The following CARMIL1 variants were observed in gnomAD, a reference collection of about 807,000 sequenced individuals.
The protein encoded by CARMIL1 is F-actin-uncapping protein LRRC16A.
CARMIL1 carries 90 observed loss-of-function variants against 177.1 expected under a neutral mutation model. The observed-to-expected ratio is 0.51, with a 90% CI of 0.43 to 0.61. The LOEUF (loss-of-function observed/expected upper bound fraction) is 0.61. Among genes scored for constraint, CARMIL1 ranks in the 20% least tolerant of loss-of-function variants. The pLI is 0.00. For missense variants in CARMIL1, 1,380 were observed against 1,667.0 expected (o/e 0.83, Z 3.00); for synonymous variants, 577 against 606.2 (o/e 0.95, Z 0.71).
At chr6:25,288,332 TG>T (rs1781680872) in intron 2 of CARMIL1, among the ~76,000 whole-genome samples, 1 of 152,082 alleles carries the variant, frequency 6.6e-6, no homozygotes, top group Admixed American at 6.6e-5. Flanking sequence ...TCCTTGCAGT[TG>T]GGATGTCAGG....
At chr6:25,423,666 T>C (rs1211066592) in intron 3 of CARMIL1, among the ~76,000 whole-genome samples, 2 of 152,130 alleles carry the variant, frequency 1.3e-5, no homozygotes, top group Non-Finnish European at 2.9e-5. Flanking sequence ...TCCTTATCAC[T>C]TTGAGATCTG....
intron 11 of CARMIL1, among the ~76,000 whole-genome samples, chr6:25,478,041 T>C (rs1259547991): frequency 6.6e-6 from 1 of 151,930 alleles, no homozygotes; most frequent in African/African-American, 2.4e-5. Context: ...TTTTTTTTTG[T>C]AGTGATGTGG....
At chr6:25,466,213 A>G (rs973997668) in intron 9 of CARMIL1, among the ~76,000 whole-genome samples, 5 of 152,212 alleles carry the variant, frequency 3.3e-5, no homozygotes, top group African/African-American at 1.2e-4. Flanking sequence ...AGCCTTTAGT[A>G]TAAAGTCATT....
chr6:25,390,712 G>A (rs948597343), intron 2 of CARMIL1, among the ~76,000 whole-genome samples: 3 of 151,702 alleles, frequency 2.0e-5, no homozygotes, highest in Non-Finnish European at 1.5e-5. Context: ...TTTTTTTTGC[G>A]ACAGTCTCGC....
At chr6:25,431,880 G>A (rs1442634626) in intron 4 of CARMIL1, among the ~76,000 whole-genome samples, 1 of 152,126 alleles carries the variant, frequency 6.6e-6, no homozygotes, top group East Asian at 1.9e-4. Context: ...CCCACAGTAT[G>A]GACCTTTGAG....
At chr6:25,559,349 A>G (rs1285551243) in intron 29 of CARMIL1, among the ~76,000 whole-genome samples, 3 of 152,224 alleles carry the variant, frequency 2.0e-5, no homozygotes, top group African/African-American at 7.2e-5. Context: ...TTTGCAGTCC[A>G]TATTTCAAAG....
At position 25,580,964 on chromosome 6, in the gene CARMIL1, T is replaced by A. The variant is rs1390823800; in HGVS notation, c.2783T>A (p.Met928Lys). ...KSKRKSIHSR[M>K]LRPVSRAFEM... ...AAAAGGAAGAGTATCCATAGCCGAA[T>A]GCTGCGGCCTGTTTCTAGGGCTTTT... The change falls in exon 30 of 37, where the codon ATG becomes AAG. Residue 928 changes from methionine (M) to lysine (K), a missense_variant. Coordinates refer to ENST00000329474, the MANE Select transcript of CARMIL1 (RefSeq NM_017640.6). 2 of 1,601,632 alleles carry A rather than the reference T, an allele frequency of 1.2e-6. No homozygotes were observed. The highest frequency in any genetic ancestry group is 3.4e-5 in the Admixed American group (2 of 58,468).
At chr6:25,316,458 C>T (rs1157041578) in intron 2 of CARMIL1, among the ~76,000 whole-genome samples, 3 of 149,656 alleles carry the variant, frequency 2.0e-5, no homozygotes, top group East Asian at 1.9e-4. Flanking sequence ...CCCACTCTGT[C>T]GCCCAGGCTG....
intron 24 of CARMIL1, among the ~76,000 whole-genome samples, chr6:25,531,016 C>T (rs1360992560): frequency 6.6e-6 from 1 of 152,064 alleles, no homozygotes; most frequent in East Asian, 1.9e-4. Context: ...ACGAAACAAA[C>T]TAAAATTAGA....
intron 21 of CARMIL1, among the ~76,000 whole-genome samples, chr6:25,516,514 G>A (rs915244385): frequency 2.0e-5 from 3 of 152,052 alleles, no homozygotes; most frequent in Non-Finnish European, 4.4e-5. Flanking sequence ...TCTATTCTCC[G>A]GCATAAAAGT....
At chr6:25,402,774 G>A (rs971807059) in intron 2 of CARMIL1, among the ~76,000 whole-genome samples, 1 of 152,180 alleles carries the variant, frequency 6.6e-6, no homozygotes, top group African/African-American at 2.4e-5. Flanking sequence ...TTTCCAGAAA[G>A]TTCTGTGAGA....
chr6:25,423,412 C>T (rs146031385), intron 3 of CARMIL1, among the ~76,000 whole-genome samples: 25 of 152,200 alleles, frequency 1.6e-4, no homozygotes, highest in East Asian at 3.9e-4. Context: ...GAAGGGTTTG[C>T]GGAGAGGGCC....
chr6:25,379,235 A>G (rs2150475990), intron 2 of CARMIL1, among the ~76,000 whole-genome samples: 1 of 152,358 alleles, frequency 6.6e-6, no homozygotes, highest in East Asian at 1.9e-4. Flanking sequence ...CTAGGAGCTT[A>G]CAGTCCAGTA....
chr6:25,325,102 T>C (rs1451120455), intron 2 of CARMIL1, among the ~76,000 whole-genome samples: 3 of 152,200 alleles, frequency 2.0e-5, no homozygotes, highest in Non-Finnish European at 4.4e-5. Context: ...GAAAGTTCTA[T>C]ATAAAACTTA....
chr6:25,320,228 C>T (rs1280528040), intron 2 of CARMIL1, among the ~76,000 whole-genome samples: 2 of 152,132 alleles, frequency 1.3e-5, no homozygotes, highest in Admixed American at 6.5e-5. Flanking sequence ...GTAGTGGGAA[C>T]ATTGGGTGAT....
chr6:25,563,329 G>A, intron 29 of CARMIL1: 1 of 985,286 alleles, frequency 1.0e-6, no homozygotes, highest in Non-Finnish European at 1.2e-6. Context: ...GGGATGAAAG[G>A]TTTCCTCTTT....
At chr6:25,480,372 G>C (rs1290182733) in intron 11 of CARMIL1, among the ~76,000 whole-genome samples, 1 of 151,860 alleles carries the variant, frequency 6.6e-6, no homozygotes, top group Admixed American at 6.6e-5. Context: ...TCAGAGCATA[G>C]ATTTAGAGTA....
chr6:25,410,145 G>C (rs1029793604), intron 2 of CARMIL1, among the ~76,000 whole-genome samples: 1 of 119,314 alleles, frequency 8.4e-6, no homozygotes, highest in Non-Finnish European at 1.6e-5. Flanking sequence ...TTATAACTTT[G>C]TTCTGAGAGA....
At chr6:25,362,596 C>A (rs1312752018) in intron 2 of CARMIL1, among the ~76,000 whole-genome samples, 1 of 151,920 alleles carries the variant, frequency 6.6e-6, no homozygotes, top group African/African-American at 2.4e-5. Context: ...ATCACTTGAA[C>A]CCAGGAGGTG....
Sources: gnomAD v4.1 joint callset for allele counts (sites outside exome capture counted in the v4.1 genomes callset) on GRCh38, gnomAD v4.1.1 for gene constraint, MANE v1.5 for transcripts, NCBI Gene and HGNC (gene_info 2026-07-23, HGNC 2026-07-21) for gene names.